ZMYM4: variants seen among roughly 807,000 people sequenced by gnomAD.
ZMYM4 encodes zinc finger MYM-type containing 4.
In ZMYM4, 31 loss-of-function variants were observed where a neutral mutation model predicts 183.2. That is an observed-to-expected ratio of 0.17 (90% CI 0.13 to 0.23). The LOEUF (loss-of-function observed/expected upper bound fraction) is 0.23. ZMYM4 is among the 10% of genes least tolerant of loss of function. ZMYM4 has a pLI of 1.00. For synonymous variants in ZMYM4, 592 were observed against 631.2 expected (o/e 0.94, Z 0.93); for missense variants, 1,273 against 1,840.3 (o/e 0.69, Z 5.64).
At chr1:35,381,128 T>C in intron 7 of ZMYM4, 131 bp from the exon 8 acceptor site, 2 of 744,710 alleles carry the variant, frequency 2.7e-6, no homozygotes, top group Non-Finnish European at 4.0e-6. Flanking sequence ...AAATTAAAGT[T>C]TTTAAACTTA....
chr1:35,391,528 G>A (rs1364285136), intron 15 of ZMYM4, among the ~76,000 whole-genome samples: 1 of 152,030 alleles, frequency 6.6e-6, no homozygotes, highest in African/African-American at 2.4e-5. Context: ...ATCTACAAGA[G>A]CCTACTCCAA....
At chr1:35,329,420 G>A (rs1251408105) in intron 2 of ZMYM4, among the ~76,000 whole-genome samples, 2 of 152,090 alleles carry the variant, frequency 1.3e-5, no homozygotes, top group Non-Finnish European at 1.5e-5. Flanking sequence ...AATAAAATAG[G>A]GAGATTGCTT....
chr1:35,409,581 A>T (rs759324344), intron 26 of ZMYM4, among the ~76,000 whole-genome samples: 1 of 152,006 alleles, frequency 6.6e-6, no homozygotes, highest in African/African-American at 2.4e-5. Flanking sequence ...TCTTTGGAGA[A>T]ATGTCTATTT....
intron 1 of ZMYM4, among the ~76,000 whole-genome samples, chr1:35,270,830 C>T (rs774411639): frequency 3.9e-5 from 6 of 152,148 alleles, no homozygotes; most frequent in Non-Finnish European, 4.4e-5. Context: ...ATATATTTAC[C>T]CCTCTATCCC....
chr1:35,393,718 C>G lies in ZMYM4; in HGVS notation c.2890C>G (p.Gln964Glu). ...AGCCACCTCTTGCAAACCACATACC[C>G]AAAACAAAGAATGCCAGACAGGTAT... ...TKATSCKPHT[Q>E]NKECQTEDTP... The change falls in exon 18 of 30, where the codon CAA becomes GAA. Residue 964 changes from glutamine (Q) to glutamate (E), a missense_variant. Around this residue, in one of 6 missense-constraint regions of ZMYM4, gnomAD observed 290 missense variants for 353.3 expected, o/e 0.82. Coordinates refer to ENST00000314607, the MANE Select transcript of ZMYM4 (RefSeq NM_005095.3). 2 of 1,608,866 alleles carry G rather than the reference C, an allele frequency of 1.2e-6. No homozygotes were observed. The highest frequency in any genetic ancestry group is 2.2e-5 in the South Asian group (2 of 90,040).
intron 7 of ZMYM4, among the ~76,000 whole-genome samples, chr1:35,373,866 C>T (rs1455860828): frequency 1.3e-5 from 2 of 151,910 alleles, no homozygotes; most frequent in Non-Finnish European, 1.5e-5. Flanking sequence ...AAAAGCTATA[C>T]TTACTACTTT....
At chr1:35,299,523 G>A (rs1641175837) in intron 1 of ZMYM4, among the ~76,000 whole-genome samples, 1 of 151,838 alleles carries the variant, frequency 6.6e-6, no homozygotes, top group Non-Finnish European at 1.5e-5. Flanking sequence ...TGAAGTAGTG[G>A]CCCCCAATGA....
intron 1 of ZMYM4, among the ~76,000 whole-genome samples, chr1:35,318,054 G>GTTTTTTTTTT (rs58071694): frequency 8.6e-6 from 1 of 116,618 alleles, no homozygotes; most frequent in Non-Finnish European, 1.7e-5. Context: ...GATTATGGCA[G>GTTTTTTTTTT]TTTTTTTTTT....
chr1:35,373,828 C>T (rs928601749), intron 7 of ZMYM4, among the ~76,000 whole-genome samples: 3 of 151,682 alleles, frequency 2.0e-5, no homozygotes, highest in Non-Finnish European at 4.4e-5. Context: ...TGAGCCACCG[C>T]GCCCAGCCCA....
At chr1:35,358,730 T>C in intron 2 of ZMYM4, 195 bp from the exon 3 acceptor site, 1 of 482,126 alleles carries the variant, frequency 2.1e-6, no homozygotes, top group Non-Finnish European at 3.6e-6. Context: ...TCTCAAGTTT[T>C]GGCTCCTTGT....
intron 7 of ZMYM4, among the ~76,000 whole-genome samples, chr1:35,380,559 C>G (rs1644434348): frequency 6.6e-6 from 1 of 152,134 alleles, no homozygotes; most frequent in South Asian, 2.1e-4. Context: ...ATCTCCTGAC[C>G]TTGTGATCCG....
rs1311856387 is a variant in ZMYM4, at chr1:35,381,430, T to C, written c.1353T>C (p.Ala451=). The C allele has an allele frequency of 8.7e-6, 14 of 1,605,712 alleles. No homozygotes were observed. The highest frequency in any genetic ancestry group is 1.1e-5 in the Non-Finnish European group (13 of 1,174,244). Residue 451 remains alanine, a synonymous_variant, in exon 8 of 30, where the codon GCT becomes GCC. Transcript: ENST00000314607. ...STKCSMCQKN[A]VIRHEVNYQN... ...AATGCAGCATGTGTCAGAAGAATGC[T>C]GTTGTAAGTTACCATTTTCCTTTAT...
In ZMYM4 at chr1:35,370,436, T is replaced by A. The variant is rs752259943; in HGVS notation, c.990T>A (p.Pro330=). 11 of 1,607,612 alleles carry A rather than the reference T, an allele frequency of 6.8e-6. No homozygotes were observed. In the South Asian group the frequency reaches 1.1e-4, roughly 16 times the overall value. ...LASSGMNKML[P]SVPATAVRVS... The stretch of plus-strand genomic sequence containing the variant: ...CATCTGGCATGAATAAAATGCTTCC[T>A]TCAGTTCCAGCCACAGCTGTTCGAG... The change falls in exon 7 of 30, where the codon CCT becomes CCA. Residue 330 remains proline (P), a synonymous_variant. Coordinates refer to ENST00000314607, the MANE Select transcript of ZMYM4 (RefSeq NM_005095.3).
rs181585087 is a variant in ZMYM4 at position 35,394,984 on chromosome 1, A to G, written c.2911+1245A>G. Among the ~76,000 whole-genome samples, 3 of 152,272 alleles carry G rather than the reference A, an allele frequency of 2.0e-5. No homozygotes were observed. The East Asian group carries it at 5.8e-4, about 30-fold the overall frequency. ...TTAAAAGTCCCAGAATTTTTAAACT[A>G]GAAGGAAATTCTTGATTTCTAGAGC... On this transcript the variant is annotated intron_variant, in intron 18 of 29. Transcript: ENST00000314607.
chr1:35,269,887 C>T (rs1388045330), intron 1 of ZMYM4, among the ~76,000 whole-genome samples: 1 of 152,088 alleles, frequency 6.6e-6, no homozygotes, highest in African/African-American at 2.4e-5. Context: ...GAGCAATATC[C>T]CTCACTTTTC....
chr1:35,405,091 A>G lies in ZMYM4; in HGVS notation c.3597A>G (p.Ser1199=), dbSNP rs745954498. 1 of 1,614,124 alleles carries G rather than the reference A, an allele frequency of 6.2e-7. No homozygotes were observed. The highest frequency in any genetic ancestry group is 1.1e-5 in the South Asian group (1 of 91,072). ...SLIQGAFQGC[S]VSGMTLKYMY... Reference sequence around the variant, plus strand: ...TTCAAGGAGCCTTTCAAGGCTGCTCAGTGTCCGGGATGACACTGAAATACA... The same window carrying G: ...TTCAAGGAGCCTTTCAAGGCTGCTCGGTGTCCGGGATGACACTGAAATACA... The change falls in exon 24 of 30, where the codon TCA becomes TCG. Residue 1199 remains serine (S), a synonymous_variant. Coordinates refer to ENST00000314607, the MANE Select transcript of ZMYM4 (RefSeq NM_005095.3).
chr1:35,324,261 A>G (rs1480071746), intron 1 of ZMYM4, among the ~76,000 whole-genome samples: 1 of 151,872 alleles, frequency 6.6e-6, no homozygotes, highest in African/African-American at 2.4e-5. Flanking sequence ...CACATAAATT[A>G]TCTTTTCCAA....
At chr1:35,386,934 G>T (rs774601260) in intron 11 of ZMYM4, 69 bp from the exon 12 acceptor site, 25 of 1,507,616 alleles carry the variant, frequency 1.7e-5, no homozygotes, top group Non-Finnish European at 2.2e-5. Context: ...CTTGGCATAT[G>T]TAGGCACACA....
intron 1 of ZMYM4, among the ~76,000 whole-genome samples, chr1:35,287,045 T>C (rs2148705895): frequency 6.6e-6 from 1 of 152,060 alleles, no homozygotes; most frequent in South Asian, 2.1e-4. Flanking sequence ...CTTAGATCTT[T>C]ATTTGACCTT....
Sources: allele counts gnomAD v4.1 joint callset (sites outside exome capture counted in the v4.1 genomes callset), GRCh38; gene constraint gnomAD v4.1.1; regional missense constraint gnomAD v4.1.1; transcripts MANE v1.5; gene names NCBI Gene and HGNC (gene_info 2026-07-23, HGNC 2026-07-21).